CCDC30: variants seen among roughly 807,000 people sequenced by gnomAD.
CCDC30 encodes the protein coiled-coil domain-containing protein 30.
CCDC30 carries 70 observed loss-of-function variants against 100.2 expected under a neutral mutation model. The observed-to-expected ratio is 0.70, with a 90% CI of 0.58 to 0.85. The LOEUF (loss-of-function observed/expected upper bound fraction) is 0.85, where lower values mean the gene tolerates loss of function less well. Among genes scored for constraint, CCDC30 ranks in the 40% least tolerant of loss-of-function variants. CCDC30 has a pLI of 0.00. For missense variants in CCDC30, 652 were observed against 771.2 expected (o/e 0.85, Z 1.83); for synonymous variants, 233 against 269.5 (o/e 0.86, Z 1.33).
intron 9 of CCDC30, 82 bp from the exon 14 acceptor site, chr1:42,589,239 C>A: frequency 8.8e-7 from 1 of 1,132,380 alleles, no homozygotes; most frequent in Non-Finnish European, 1.2e-6. Context: ...AAAAAAAAAT[C>A]CCTTGTGATG....
At chr1:42,622,647 C>A (rs115719779) in intron 11 of CCDC30, among the ~76,000 whole-genome samples, 2,239 of 149,496 alleles carry the variant, frequency 0.015, 53 homozygotes, top group African/African-American at 0.052. Context: ...TTTTTTTTTT[C>A]TTTGTATTTT....
chr1:42,546,626 G>A (rs1046544039), intron 6 of CCDC30, among the ~76,000 whole-genome samples: 1 of 150,962 alleles, frequency 6.6e-6, no homozygotes, highest in Non-Finnish European at 1.5e-5. Context: ...ACATAATTAT[G>A]ACTATACTCT....
At chr1:42,625,549 TTG>T (rs1392618553) in intron 11 of CCDC30, among the ~76,000 whole-genome samples, 1 of 152,136 alleles carries the variant, frequency 6.6e-6, no homozygotes, top group Non-Finnish European at 1.5e-5. Context: ...TTTTGGTATG[TTG>T]TGTTTCCATT....
chr1:42,536,995 C>G, intron 6 of CCDC30: 1 of 359,720 alleles, frequency 2.8e-6, no homozygotes, highest in Non-Finnish European at 5.4e-6. Flanking sequence ...CTATCTATCT[C>G]CAAATACAGT....
At chr1:42,497,615 A>G (rs1258261561) in intron 5 of CCDC30, among the ~76,000 whole-genome samples, 1 of 152,236 alleles carries the variant, frequency 6.6e-6, no homozygotes, top group Admixed American at 6.5e-5. Context: ...TTTTAAAAAT[A>G]TGTACTTCCA....
chr1:42,604,390 G>T (rs557523332), intron 10 of CCDC30, among the ~76,000 whole-genome samples: 2 of 152,230 alleles, frequency 1.3e-5, no homozygotes, highest in East Asian at 3.9e-4. Context: ...TCCATCAATA[G>T]CCCTCACTCC....
chr1:42,646,339 A>G, intron 15 of CCDC30, 22 bp downstream of exon 19: 4 of 1,471,844 alleles, frequency 2.7e-6, no homozygotes, highest in Non-Finnish European at 3.6e-6. Flanking sequence ...CAACTTCCAC[A>G]TCCACAATAC....
intron 10 of CCDC30, among the ~76,000 whole-genome samples, chr1:42,602,719 A>G (rs1408448697): frequency 6.6e-6 from 1 of 152,242 alleles, no homozygotes; most frequent in Admixed American, 6.5e-5. Context: ...ACATTTAAGA[A>G]TAGATTATAT....
chr1:42,544,283 T>C (rs1645077383), intron 6 of CCDC30, among the ~76,000 whole-genome samples: 2 of 152,206 alleles, frequency 1.3e-5, no homozygotes, highest in African/African-American at 4.8e-5. Flanking sequence ...TAGAGTAACC[T>C]TTCAGGAAAG....
At chr1:42,545,622 G>C (rs764896454) in intron 6 of CCDC30, 43 bp downstream of exon 9, 3 of 1,524,070 alleles carry the variant, frequency 2.0e-6, no homozygotes, top group Non-Finnish European at 2.7e-6. Flanking sequence ...ATTCAGAGAG[G>C]GTATATTTTA....
At chr1:42,457,151 T>TA in the CCDC30 span, 1 of 1,592,858 alleles carries the variant, frequency 6.3e-7, no homozygotes, top group South Asian at 1.1e-5. Flanking sequence ...ACCTCCTGCT[T>TA]ACCCACGGAT....
intron 6 of CCDC30, among the ~76,000 whole-genome samples, chr1:42,512,724 G>C (rs1644497932): frequency 6.6e-6 from 1 of 152,164 alleles, no homozygotes; most frequent in South Asian, 2.1e-4. Context: ...GATAATAGCA[G>C]GTTGTTGCCC....
chr1:42,497,033 G>T, intron 4 of CCDC30, 65 bp from the exon 5 acceptor site: 1 of 800,274 alleles, frequency 1.2e-6, no homozygotes, highest in South Asian at 6.3e-5. Flanking sequence ...TTCGTTTTTA[G>T]AGTTAGTGCC....
At chr1:42,484,156 A>G (rs1213000641) in intron 3 of CCDC30, among the ~76,000 whole-genome samples, 2 of 152,120 alleles carry the variant, frequency 1.3e-5, no homozygotes, top group African/African-American at 4.8e-5. Context: ...ATCAGGATGT[A>G]AATTTTTTAT....
chr1:42,651,756 T>C (rs930537231), intron 15 of CCDC30, among the ~76,000 whole-genome samples: 2 of 152,104 alleles, frequency 1.3e-5, no homozygotes, highest in Non-Finnish European at 2.9e-5. Flanking sequence ...CACCTGTGGT[T>C]GTAGCTTCTC....
chr1:42,492,015 G>GA, intron 4 of CCDC30: 8 of 605,360 alleles, frequency 1.3e-5, no homozygotes, highest in South Asian at 2.0e-5. Context: ...AGATGTTCAG[G>GA]AAAAAAACTA....
rs80104771 is a variant in CCDC30, at chr1:42,586,433, A to G, written c.1002-2888A>G. 3.6e-3 allele frequency among the ~76,000 whole-genome samples: 544 copies of G among 152,146 alleles called. 8 individuals carry two copies. The highest frequency in any genetic ancestry group is 0.013 in the African/African-American group (528 of 41,518). ...ATGATCCTCCTGCCTCCACCTACTG[A>G]GTAGCTAGGACTATAGGCATACCCA... On this transcript the variant is annotated intron_variant, in intron 9 of 16. Coordinates refer to ENST00000668663, the Ensembl canonical transcript of CCDC30.
intron 11 of CCDC30, among the ~76,000 whole-genome samples, chr1:42,620,216 A>G (rs1473481489): frequency 6.6e-6 from 1 of 152,208 alleles, no homozygotes; most frequent in Non-Finnish European, 1.5e-5. Context: ...AAAGAAGGAA[A>G]CAACAGATGC....
chr1:42,642,912 A>G (rs1647578058), intron 13 of CCDC30, among the ~76,000 whole-genome samples: 1 of 152,192 alleles, frequency 6.6e-6, no homozygotes, highest in Non-Finnish European at 1.5e-5. Flanking sequence ...CATTTTTATT[A>G]TTGGATACCT....
Sources: allele counts gnomAD v4.1 joint callset (sites outside exome capture counted in the v4.1 genomes callset), GRCh38; gene constraint gnomAD v4.1.1; transcripts MANE v1.5; gene names NCBI Gene and HGNC (gene_info 2026-07-23, HGNC 2026-07-21).